Variants in EBF4 observed in about 807,000 individuals in gnomAD.
EBF4 encodes the protein transcription factor COE4.
In EBF4, 34 loss-of-function variants were observed where a neutral mutation model predicts 67.1. That is an observed-to-expected ratio of 0.51 (90% CI 0.39 to 0.67). The LOEUF is 0.67. Among genes scored for constraint, EBF4 ranks in the 30% least tolerant of loss-of-function variants. EBF4 has a pLI of 0.00. For missense variants in EBF4, 837 were observed against 873.3 expected (o/e 0.96, Z 0.52); for synonymous variants, 387 against 377.7 (o/e 1.02, Z -0.29).
At chr20:2,713,176 AAG>A (rs1347948020) in intron 6 of EBF4, among the ~76,000 whole-genome samples, 1 of 152,206 alleles carries the variant, frequency 6.6e-6, no homozygotes, top group Admixed American at 6.5e-5. Context: ...ATGAGGATGC[AAG>A]AGAGAGGGGA....
rs1285163500 is a variant in EBF4, at chr20:2,752,387, C to T, written c.1382C>T (p.Pro461Leu). Reference sequence around the variant, plus strand: ...GCGCGCAGCTGCAGCAGCGCGTCCCCCCGCGGGTTCGCGCCCAGCCCCGGC... The same window carrying T: ...GCGCGCAGCTGCAGCAGCGCGTCCCTCCGCGGGTTCGCGCCCAGCCCCGGC... Residue 461 changes from proline (P) to leucine (L), a missense_variant, in exon 14 of 17, where the codon CCC (proline) becomes CTC (leucine). Pro to Leu is a moderately conservative substitution (Grantham distance 98). Transcript: ENST00000609451. The T allele has an allele frequency of 4.0e-6, 5 of 1,253,440 alleles. No individual in the cohort carries two copies. The highest frequency in any genetic ancestry group is 3.1e-5 in the African/African-American group (2 of 63,760). 77.6% of individuals were successfully genotyped at this position (1,253,440 alleles called of 1,614,324 possible).
chr20:2,731,315 G>A (rs945039154), intron 6 of EBF4, among the ~76,000 whole-genome samples: 1 of 152,214 alleles, frequency 6.6e-6, no homozygotes, highest in South Asian at 2.1e-4. Context: ...CATCAGTCCA[G>A]GGTGGCTCTT....
At chr20:2,740,166 A>G (rs965266653) in intron 6 of EBF4, among the ~76,000 whole-genome samples, 1 of 152,202 alleles carries the variant, frequency 6.6e-6, no homozygotes, top group Non-Finnish European at 1.5e-5. Context: ...TACAAAAATT[A>G]GCTGGGCATG....
intron 6 of EBF4, among the ~76,000 whole-genome samples, chr20:2,731,140 G>A (rs973609643): frequency 2.0e-5 from 3 of 152,066 alleles, no homozygotes; most frequent in South Asian, 2.1e-4. Flanking sequence ...CTCGTGATCC[G>A]CCCGCCTCAG....
At chr20:2,753,835 A>G (rs1223097934) in intron 14 of EBF4, among the ~76,000 whole-genome samples, 1 of 152,142 alleles carries the variant, frequency 6.6e-6, no homozygotes, top group Non-Finnish European at 1.5e-5. Context: ...GAGTCCACAT[A>G]GGCCATGGCC....
chr20:2,705,182 G>A (rs1317917824), intron 1 of EBF4, among the ~76,000 whole-genome samples: 3 of 152,232 alleles, frequency 2.0e-5, no homozygotes, highest in Non-Finnish European at 4.4e-5. Context: ...TAGGGCCCCC[G>A]GGGTCTCCTT....
chr20:2,752,797 G>T (rs1259132478), intron 14 of EBF4, among the ~76,000 whole-genome samples: 2 of 152,260 alleles, frequency 1.3e-5, no homozygotes, highest in Admixed American at 1.3e-4. Context: ...TTCTTTGCCG[G>T]TCCGTTATGC....
chr20:2,706,491 G>T (rs1002324082), intron 4 of EBF4, among the ~76,000 whole-genome samples: 1 of 152,198 alleles, frequency 6.6e-6, no homozygotes, highest in Non-Finnish European at 1.5e-5. Flanking sequence ...CTTGGGTCAT[G>T]TTTCCTAGCA....
intron 6 of EBF4, among the ~76,000 whole-genome samples, chr20:2,725,115 C>T (rs1235463423): frequency 2.0e-5 from 3 of 152,206 alleles, no homozygotes; most frequent in Non-Finnish European, 2.9e-5. Flanking sequence ...CTGCAAATTT[C>T]TTAGCCTTTG....
intron 6 of EBF4, among the ~76,000 whole-genome samples, chr20:2,730,241 C>T (rs1057418396): frequency 3.9e-5 from 6 of 152,126 alleles, no homozygotes; most frequent in African/African-American, 1.4e-4. Flanking sequence ...TTGGCAGGTC[C>T]GTGCTCCCTC....
intron 1 of EBF4, among the ~76,000 whole-genome samples, chr20:2,699,020 G>C (rs1398292166): frequency 6.6e-6 from 1 of 152,164 alleles, no homozygotes. Flanking sequence ...GAGTGGCCTT[G>C]GGAAGAGAGA....
rs939941906 is a variant in EBF4 at position 2,749,884 on chromosome 20, C to T, written c.929C>T (p.Pro310Leu). 2.6e-6 allele frequency: 4 copies of T among 1,551,350 alleles called. No individual in the cohort carries two copies. The highest frequency in any genetic ancestry group is 1.7e-4 in the Middle Eastern group (1 of 6,014). The change falls in exon 10 of 17, where the codon CCG becomes CTG. Residue 310 changes from proline to leucine, a missense_variant. Transcript: ENST00000609451. Reference sequence around the variant, plus strand: ...CACGCCATCCGGGTGCAGACGCCCCCGCGGCACATCCCCGGGGTGGTGGAG... The same window carrying T: ...CACGCCATCCGGGTGCAGACGCCCCTGCGGCACATCCCCGGGGTGGTGGAG...
At chr20:2,710,486 T>C (rs1330479088) in intron 6 of EBF4, among the ~76,000 whole-genome samples, 1 of 151,716 alleles carries the variant, frequency 6.6e-6, no homozygotes, top group African/African-American at 2.4e-5. Flanking sequence ...AAATAAGGTG[T>C]AAAATTCAAA....
chr20:2,737,012 G>T (rs1009649001), intron 6 of EBF4, among the ~76,000 whole-genome samples: 1 of 152,094 alleles, frequency 6.6e-6, no homozygotes, highest in South Asian at 2.1e-4. Context: ...CACTTTGGGA[G>T]GCCAAGGTGG....
rs1327481268 is a variant in EBF4 at position 2,696,519 on chromosome 20, A to AC, written c.137+2742dup. ...AAAATAAAATAAAATAAAGTGACCA[A>AC]CCCCCAAGCCCCACTGCTTCCTCAT... On this transcript the variant is annotated intron_variant, in intron 1 of 16. Transcript: ENST00000609451. This position sits in a 1 kb window ranked among gnomAD's most constrained non-coding sequence, Gnocchi z 4.7. Among the ~76,000 whole-genome samples the AC allele has an allele frequency of 6.6e-6, 1 of 151,544 alleles. No homozygotes were observed. Among genetic ancestry groups the AC allele is most frequent in the Non-Finnish European group, 1.5e-5 (1 of 67,882 alleles).
At chr20:2,695,588 C>T (rs1347022120) in intron 1 of EBF4, among the ~76,000 whole-genome samples, 1 of 152,150 alleles carries the variant, frequency 6.6e-6, no homozygotes, top group Non-Finnish European at 1.5e-5. Context: ...ACTAGGAGCC[C>T]CCACTCGCTT....
intron 6 of EBF4, among the ~76,000 whole-genome samples, chr20:2,738,211 G>C (rs889868899): frequency 1.3e-5 from 2 of 151,782 alleles, no homozygotes; most frequent in Admixed American, 1.3e-4. Flanking sequence ...GAGGTGCCAA[G>C]GTCTCTGGTC....
At chr20:2,744,429 T>C (rs2088016686) in intron 6 of EBF4, among the ~76,000 whole-genome samples, 1 of 151,950 alleles carries the variant, frequency 6.6e-6, no homozygotes, top group Non-Finnish European at 1.5e-5. Flanking sequence ...ATTAATATAA[T>C]GCAAGCAAGC....
At chr20:2,737,199 G>C (rs191454232) in intron 6 of EBF4, among the ~76,000 whole-genome samples, 3 of 148,646 alleles carry the variant, frequency 2.0e-5, no homozygotes, top group African/African-American at 7.5e-5. Flanking sequence ...GCAGTGAGCC[G>C]AGATCGCGCC....
Sources: gnomAD v4.1 joint callset for allele counts (sites outside exome capture counted in the v4.1 genomes callset) on GRCh38, gnomAD v4.1.1 for gene constraint, Gnocchi (gnomAD v3.1) non-coding constraint, MANE v1.5 for transcripts, NCBI Gene and HGNC (gene_info 2026-07-23, HGNC 2026-07-21) for gene names.